The following SLC2A4 variants were observed in gnomAD, a reference collection of about 807,000 sequenced individuals.
The protein encoded by SLC2A4 is solute carrier family 2, facilitated glucose transporter member 4.
SLC2A4 carries 31 observed loss-of-function variants against 53.3 expected under a neutral mutation model. The observed-to-expected ratio is 0.58, with a 90% CI of 0.44 to 0.78. The LOEUF is 0.78. Among genes scored for constraint, SLC2A4 ranks in the 30% least tolerant of loss-of-function variants. The pLI, the probability that SLC2A4 is intolerant of heterozygous loss-of-function variation, is 0.00. For synonymous variants in SLC2A4, 276 were observed against 281.9 expected (o/e 0.98, Z 0.21); for missense variants, 538 against 655.7 (o/e 0.82, Z 1.96).
rs35240617 is a variant in SLC2A4, at chr17:7,287,115, GTTTTTTTTTT to G, written c.*506_*515del. 8.2e-5 allele frequency: 8 copies of G among 97,848 alleles called. 1 individual carries two copies. Among genetic ancestry groups the G allele is most frequent in the Admixed American group, 7.8e-4 (7 of 8,998 alleles). 6.1% of individuals were successfully genotyped at this position (97,848 alleles called of 1,614,324 possible). A position where few individuals can be genotyped will look rare whatever the true frequency, so the allele number is the denominator to read the frequency against. ...TGCCACGCAGACTCTGGGCAAAGGG[GTTTTTTTTTT>G]TTTTTTTTTTTTTTTTTTTGAGACA... On this transcript the variant is annotated 3_prime_UTR_variant, in exon 11 of 11. Transcript: ENST00000317370.
chr17:7,281,726 C>A lies in SLC2A4; in HGVS notation c.-209C>A. 1.6e-6 allele frequency: 1 copy of A among 624,308 alleles called. No individual in the cohort carries two copies. The highest frequency in any genetic ancestry group is 2.6e-5 in the Admixed American group (1 of 38,620). The allele number at this position is 624,308 out of a possible 1,614,324, so 38.7% of individuals were successfully genotyped here. ...TGGCGGGGGCTTCTCGCGTCTTTTCCCCCAGCCCCGCTCCACCAGATCCGC... is the reference window on the plus strand; with the variant it reads ...TGGCGGGGGCTTCTCGCGTCTTTTCACCCAGCCCCGCTCCACCAGATCCGC... On this transcript the variant is annotated 5_prime_UTR_variant, in exon 1 of 11. Coordinates refer to ENST00000317370, the MANE Select transcript of SLC2A4 (RefSeq NM_001042.3).
chr17:7,285,149 G>A lies in SLC2A4; in HGVS notation c.1082G>A (p.Cys361Tyr). ...CATCTCCTGGGCCTGGCGGGCATGT[G>A]TGGCTGTGCCATCCTGATGACTGTG... ...TLHLLGLAGM[C>Y]GCAILMTVAL... The change falls in exon 9 of 11, where the codon TGT becomes TAT. Residue 361 changes from cysteine (C) to tyrosine (Y), a missense_variant. Physicochemically the swap from Cys to Tyr is radical, Grantham distance 194. Transcript: ENST00000317370. The surrounding 1 kb of genome is among the most constrained non-coding windows in gnomAD (Gnocchi z 6.0). The A allele has an allele frequency of 6.2e-7, 1 of 1,604,072 alleles. No individual in the cohort carries two copies. The highest frequency in any genetic ancestry group is 8.5e-7 in the Non-Finnish European group (1 of 1,176,944).
At position 7,282,288 on chromosome 17, in the gene SLC2A4, G is replaced by C; in HGVS notation, c.33+321G>C. Reference sequence around the variant, plus strand: ...GCCCTCGATCCGACTCGGGAAAGCAGATCCAGGCGGGTCTTGCCCTCCGGG... The same window carrying C: ...GCCCTCGATCCGACTCGGGAAAGCACATCCAGGCGGGTCTTGCCCTCCGGG... On this transcript the variant is annotated intron_variant, in intron 1 of 10. Coordinates refer to ENST00000317370, the MANE Select transcript of SLC2A4 (RefSeq NM_001042.3). The surrounding 1 kb of genome is among the most constrained non-coding windows in gnomAD (Gnocchi z 4.1). 1.8e-6 allele frequency: 1 copy of C among 555,658 alleles called. No homozygotes were observed. Among genetic ancestry groups the C allele is most frequent in the Non-Finnish European group, 3.4e-6 (1 of 292,416 alleles). 34.4% of individuals were successfully genotyped at this position (555,658 alleles called of 1,614,324 possible). A position where few individuals can be genotyped will look rare whatever the true frequency, so the allele number is the denominator to read the frequency against.
Position 7,281,831 on chromosome 17 carries a change from C to A in SLC2A4, c.-104C>A. 1 of 1,242,072 alleles carries A rather than the reference C, an allele frequency of 8.1e-7. No homozygotes were observed. The highest frequency in any genetic ancestry group is 1.2e-6 in the Non-Finnish European group (1 of 866,190). The allele number at this position is 1,242,072 out of a possible 1,614,324, so 76.9% of individuals were successfully genotyped here. On this transcript the variant is annotated 5_prime_UTR_variant, in exon 1 of 11. Transcript: ENST00000317370. Reference sequence around the variant, plus strand: ...CCGCCCTCGCACGTCACTCCGGGACCCCCGCGGCCTCCGCAGGTTCTGCGC... The same window carrying A: ...CCGCCCTCGCACGTCACTCCGGGACACCCGCGGCCTCCGCAGGTTCTGCGC...
In SLC2A4 at chr17:7,282,394, G is replaced by A. The variant is rs1183954550; in HGVS notation, c.33+427G>A. 2.2e-6 allele frequency: 1 copy of A among 461,698 alleles called. No homozygotes were observed. Among genetic ancestry groups the A allele is most frequent in the Non-Finnish European group, 4.3e-6 (1 of 230,758 alleles). The allele number at this position is 461,698 out of a possible 1,614,324, so 28.6% of individuals were successfully genotyped here. ...TGGGCCCCCACCCCCACTCCTGGCC[G>A]CCCTCCAGGACGCTGAACTTTCCCT... On this transcript the variant is annotated intron_variant, in intron 1 of 10. Coordinates refer to ENST00000317370, the MANE Select transcript of SLC2A4 (RefSeq NM_001042.3). This position sits in a 1 kb window ranked among gnomAD's most constrained non-coding sequence, Gnocchi z 4.1.
In SLC2A4 at chr17:7,283,455, T is replaced by C. The variant is rs750303034; in HGVS notation, c.151-18T>C. On this transcript the variant is annotated intron_variant, in intron 2 of 10. Transcript: ENST00000317370. This position sits in a 1 kb window ranked among gnomAD's most constrained non-coding sequence, Gnocchi z 5.8. The stretch of plus-strand genomic sequence containing the variant: ...AAGGGGACGGTCTGCAGGAAATCTG[T>C]CCTCTGCTGTCCCCCAGGTGATTGA... 1 of 1,612,824 alleles carries C rather than the reference T, an allele frequency of 6.2e-7. No individual in the cohort carries two copies.
At position 7,286,641 on chromosome 17, in the gene SLC2A4, G is replaced by C; in HGVS notation, c.*12G>C. ...ATGAGAACGACTGAGGGGCCAGGCA[G>C]GGGTGGGAGAGCCAGCTCTCTCTAC... On this transcript the variant is annotated 3_prime_UTR_variant, in exon 11 of 11. Coordinates refer to ENST00000317370, the MANE Select transcript of SLC2A4 (RefSeq NM_001042.3). The C allele has an allele frequency of 1.9e-6, 3 of 1,612,910 alleles. No individual in the cohort carries two copies. Among genetic ancestry groups the C allele is most frequent in the Non-Finnish European group, 2.5e-6 (3 of 1,179,094 alleles).
chr17:7,286,440 C>A lies in SLC2A4; in HGVS notation c.1341C>A (p.Pro447=). The A allele has an allele frequency of 6.2e-7, 1 of 1,614,080 alleles. No individual in the cohort carries two copies. Among genetic ancestry groups the A allele is most frequent in the Non-Finnish European group, 8.5e-7 (1 of 1,179,996 alleles). ...GFQYVAEAMG[P]YVFLLFAVLL... Reference sequence around the variant, plus strand: ...ACCTGTCCCAGGAGGCTATGGGGCCCTACGTCTTCCTTCTATTTGCGGTCC... The same window carrying A: ...ACCTGTCCCAGGAGGCTATGGGGCCATACGTCTTCCTTCTATTTGCGGTCC... The change falls in exon 11 of 11, where the codon CCC becomes CCA. Residue 447 remains proline (P), a synonymous_variant. Coordinates refer to ENST00000317370, the MANE Select transcript of SLC2A4 (RefSeq NM_001042.3).
chr17:7,286,912 T>G lies in SLC2A4; in HGVS notation c.*283T>G. On this transcript the variant is annotated 3_prime_UTR_variant, in exon 11 of 11. Coordinates refer to ENST00000317370, the MANE Select transcript of SLC2A4 (RefSeq NM_001042.3). Reference sequence around the variant, plus strand: ...TCCCCCATCCCCTTTCCTCCCCACCTTCCCCAGACTCAGCTCCAGAATACC... The same window carrying G: ...TCCCCCATCCCCTTTCCTCCCCACCGTCCCCAGACTCAGCTCCAGAATACC... 1 of 421,274 alleles carries G rather than the reference T, an allele frequency of 2.4e-6. No individual in the cohort carries two copies. The highest frequency in any genetic ancestry group is 4.5e-6 in the Non-Finnish European group (1 of 224,606). 26.1% of individuals were successfully genotyped at this position (421,274 alleles called of 1,614,324 possible). A position where few individuals can be genotyped will look rare whatever the true frequency, so the allele number is the denominator to read the frequency against.
At position 7,282,557 on chromosome 17, in the gene SLC2A4, C is replaced by G. The variant is rs941098202; in HGVS notation, c.33+590C>G. On this transcript the variant is annotated intron_variant, in intron 1 of 10. Transcript: ENST00000317370. The surrounding 1 kb of genome is among the most constrained non-coding windows in gnomAD (Gnocchi z 4.1). ...CCCCTCACACTACCTTCCTGCCCTC[C>G]TCCCCTGGGCATGGCTCTCCCAGGC... 7.9e-6 allele frequency: 3 copies of G among 380,328 alleles called. No individual in the cohort carries two copies. The highest frequency in any genetic ancestry group is 6.3e-5 in the African/African-American group (3 of 47,868). 23.6% of individuals were successfully genotyped at this position (380,328 alleles called of 1,614,324 possible).
In SLC2A4 at chr17:7,286,818, C is replaced by G; in HGVS notation, c.*189C>G. On this transcript the variant is annotated 3_prime_UTR_variant, in exon 11 of 11. Transcript: ENST00000317370. Reference sequence around the variant, plus strand: ...CCCCTCATTCCCCTCGTGTGACTCTCTTGGATTATTTATGTGTTGTGGTTT... The same window carrying G: ...CCCCTCATTCCCCTCGTGTGACTCTGTTGGATTATTTATGTGTTGTGGTTT... The G allele has an allele frequency of 4.8e-6, 3 of 620,106 alleles. No individual in the cohort carries two copies. The highest frequency in any genetic ancestry group is 8.6e-6 in the Non-Finnish European group (3 of 349,718). The allele number at this position is 620,106 out of a possible 1,614,324, so 38.4% of individuals were successfully genotyped here. A position where few individuals can be genotyped will look rare whatever the true frequency, so the allele number is the denominator to read the frequency against.
In SLC2A4 at chr17:7,284,422, C is replaced by T; in HGVS notation, c.727+43C>T. The T allele has an allele frequency of 6.2e-7, 1 of 1,614,138 alleles. No individual in the cohort carries two copies. Among genetic ancestry groups the T allele is most frequent in the Admixed American group, 1.7e-5 (1 of 60,034 alleles). Reference sequence around the variant, plus strand: ...AGCCTGGCCCAGGCCCATGCCTCCGCCTCATCTTGCTAGCACCTGGCTTCC... The same window carrying T: ...AGCCTGGCCCAGGCCCATGCCTCCGTCTCATCTTGCTAGCACCTGGCTTCC... On this transcript the variant is annotated intron_variant, in intron 6 of 10. Transcript: ENST00000317370. This position sits in a 1 kb window ranked among gnomAD's most constrained non-coding sequence, Gnocchi z 7.5.
chr17:7,284,760 T>A lies in SLC2A4; in HGVS notation c.916-75T>A. 1 of 1,609,120 alleles carries A rather than the reference T, an allele frequency of 6.2e-7. No homozygotes were observed. Among genetic ancestry groups the A allele is most frequent in the Non-Finnish European group, 8.5e-7 (1 of 1,175,436 alleles). On this transcript the variant is annotated intron_variant, in intron 7 of 10. Coordinates refer to ENST00000317370, the MANE Select transcript of SLC2A4 (RefSeq NM_001042.3). The surrounding 1 kb of genome is among the most constrained non-coding windows in gnomAD (Gnocchi z 7.5). ...AAACCCCCTCCACCAACACCCAGGG[T>A]AGGGCCAGCCTGTTGTGGCTGGAGT...
rs1347175993 is a variant in SLC2A4, at chr17:7,286,358, G to A, written c.1327-68G>A. On this transcript the variant is annotated intron_variant, in intron 10 of 10. Transcript: ENST00000317370. The stretch of plus-strand genomic sequence containing the variant: ...CTCCCTATGAAGGCCTTTAGCTCCT[G>A]GTTGCCTGAAACTACCCCTTCCCTC... 2.2e-6 allele frequency: 3 copies of A among 1,374,950 alleles called. No homozygotes were observed. The African/African-American group carries it at 4.3e-5, about 20-fold the overall frequency. The allele number at this position is 1,374,950 out of a possible 1,614,324, so 85.2% of individuals were successfully genotyped here. A position where few individuals can be genotyped will look rare whatever the true frequency, so the allele number is the denominator to read the frequency against.
rs773787023 is a variant in SLC2A4, at chr17:7,285,728, C to T, written c.1146C>T (p.Tyr382=). ...LLLERVPAMS[Y]VSIVAIFGFV... The stretch of plus-strand genomic sequence containing the variant: ...AGGAGCGAGTTCCAGCCATGAGCTA[C>T]GTCTCCATTGTGGCCATCTTTGGCT... The change falls in exon 10 of 11, where the codon TAC becomes TAT. Residue 382 remains tyrosine, a synonymous_variant. Transcript: ENST00000317370. The surrounding 1 kb of genome is among the most constrained non-coding windows in gnomAD (Gnocchi z 6.0). The T allele has an allele frequency of 9.9e-6, 16 of 1,614,090 alleles. No homozygotes were observed. The Admixed American group carries it at 2.0e-4, about 20-fold the overall frequency.
rs2072439923 is a variant in SLC2A4, at chr17:7,285,262, C to T, written c.1122+73C>T. ...GGTCCTGTGAGTCTCTGTGACCAGC[C>T]AGGGTCCCTTCTTAACACACATGCT... is the stretch of plus-strand genomic sequence containing the variant. On this transcript the variant is annotated intron_variant, in intron 9 of 10. Coordinates refer to ENST00000317370, the MANE Select transcript of SLC2A4 (RefSeq NM_001042.3). This position sits in a 1 kb window ranked among gnomAD's most constrained non-coding sequence, Gnocchi z 6.0. 2.4e-6 allele frequency: 3 copies of T among 1,266,638 alleles called. No individual in the cohort carries two copies. Among genetic ancestry groups the T allele is most frequent in the Non-Finnish European group, 2.2e-6 (2 of 895,840 alleles). The allele number at this position is 1,266,638 out of a possible 1,614,324, so 78.5% of individuals were successfully genotyped here. A position where few individuals can be genotyped will look rare whatever the true frequency, so the allele number is the denominator to read the frequency against.
In SLC2A4 at chr17:7,285,030, G is replaced by A. The variant is rs761428621; in HGVS notation, c.1021-58G>A. On this transcript the variant is annotated intron_variant, in intron 8 of 10. Coordinates refer to ENST00000317370, the MANE Select transcript of SLC2A4 (RefSeq NM_001042.3). This position sits in a 1 kb window ranked among gnomAD's most constrained non-coding sequence, Gnocchi z 6.0. Reference sequence around the variant, plus strand: ...TGCTCTTGGTTGCCCTCACCCACGCGGCCCCTCCTACTTCCCGTGCCCAAA... The same window carrying A: ...TGCTCTTGGTTGCCCTCACCCACGCAGCCCCTCCTACTTCCCGTGCCCAAA... The A allele has an allele frequency of 1.8e-5, 29 of 1,612,402 alleles. No homozygotes were observed. The Admixed American group carries it at 3.2e-4, about 18-fold the overall frequency.
In SLC2A4 at chr17:7,282,992, T is replaced by C; in HGVS notation, c.34-253T>C. 1 of 499,314 alleles carries C rather than the reference T, an allele frequency of 2.0e-6. No individual in the cohort carries two copies. Among genetic ancestry groups the C allele is most frequent in the Non-Finnish European group, 3.7e-6 (1 of 272,158 alleles). 30.9% of individuals were successfully genotyped at this position (499,314 alleles called of 1,614,324 possible). The stretch of plus-strand genomic sequence containing the variant: ...CCTGTCTCAAGGTCACAGAAGAATT[T>C]TGAGACAAGTTCTCAAACATTTCTC... On this transcript the variant is annotated intron_variant, in intron 1 of 10. Transcript: ENST00000317370. The surrounding 1 kb of genome is among the most constrained non-coding windows in gnomAD (Gnocchi z 4.1).
Position 7,283,601 on chromosome 17 carries a change from G to C in SLC2A4, c.279G>C (p.Met93Ile). 1 of 1,614,074 alleles carries C rather than the reference G, an allele frequency of 6.2e-7. No individual in the cohort carries two copies. Among genetic ancestry groups the C allele is most frequent in the Non-Finnish European group, 8.5e-7 (1 of 1,180,010 alleles). The change falls in exon 3 of 11, where the codon ATG (methionine) becomes ATC (isoleucine). Residue 93 changes from methionine (M) to isoleucine (I), a missense_variant. Physicochemically the swap from Met to Ile is conservative, Grantham distance 10 (BLOSUM62 1). Transcript: ENST00000317370. The surrounding 1 kb of genome is among the most constrained non-coding windows in gnomAD (Gnocchi z 5.8). ...TGGCCATCTTTTCCGTGGGCGGCAT[G>C]ATTTCCTCCTTCCTCATTGGTATCA... is the stretch of plus-strand genomic sequence containing the variant. The part of the protein sequence containing the change: ...LSVAIFSVGG[M>I]ISSFLIGIIS...
Sources: allele counts gnomAD v4.1 joint callset, GRCh38; gene constraint gnomAD v4.1.1; non-coding constraint Gnocchi (gnomAD v3.1); transcripts MANE v1.5; gene names NCBI Gene and HGNC (gene_info 2026-07-23, HGNC 2026-07-21).